Variants in TTC7B observed in about 807,000 individuals in gnomAD.
The protein encoded by TTC7B is tetratricopeptide repeat domain 7B.
Under a neutral mutation model 106.8 loss-of-function variants are expected in TTC7B, and 28 were observed. That is an observed-to-expected ratio of 0.26 (90% confidence interval 0.19 to 0.36). The LOEUF is 0.36. Ranked by LOEUF, TTC7B falls within the 10% of genes least tolerant of loss-of-function variation. The pLI is 1.00. For synonymous variants in TTC7B, 405 were observed against 430.6 expected (o/e 0.94, Z 0.74); for missense variants, 862 against 1,076.4 (o/e 0.80, Z 2.79).
rs893899639 is a variant in TTC7B, at chr14:90,578,399, G to A, written c.2108-91C>T. ...ACTCTGATGTTCGTGTTCCCTGCAC[G>A]GGAGTCTGGCGGGGCGCAGAGCCAG... On this transcript the variant is annotated intron_variant, in intron 18 of 19. Transcript: ENST00000328459. This position sits in a 1 kb window ranked among gnomAD's most constrained non-coding sequence, Gnocchi z 4.7. The A allele has an allele frequency of 7.9e-6, 11 of 1,387,082 alleles. No individual in the cohort carries two copies. Among genetic ancestry groups the A allele is most frequent in the East Asian group, 7.2e-5 (3 of 41,922 alleles). The allele number at this position is 1,387,082 out of a possible 1,614,324, so 85.9% of individuals were successfully genotyped here.
At chr14:90,635,783 T>C (rs1175039613) in intron 15 of TTC7B, among the ~76,000 whole-genome samples, 2 of 138,120 alleles carry the variant, frequency 1.4e-5, no homozygotes, top group Non-Finnish European at 3.1e-5. Context: ...AAAAATTATC[T>C]ATATATAATA....
intron 17 of TTC7B, among the ~76,000 whole-genome samples, chr14:90,607,314 A>G (rs1892682887): frequency 6.6e-6 from 1 of 152,216 alleles, no homozygotes; most frequent in South Asian, 2.1e-4. Flanking sequence ...GTGGAAGTTC[A>G]CTGTGGCTGT....
chr14:90,612,972 C>T (rs1362559281), intron 16 of TTC7B, among the ~76,000 whole-genome samples: 1 of 152,236 alleles, frequency 6.6e-6, no homozygotes. Context: ...GTTCCCTCCA[C>T]CAGCTGGGAA....
chr14:90,605,238 G>A (rs1286460), intron 17 of TTC7B, among the ~76,000 whole-genome samples: 13,868 of 152,156 alleles, frequency 0.091, 768 homozygotes, highest in East Asian at 0.2. Flanking sequence ...AATTGAAAAC[G>A]GGAGTTTTTG....
intron 4 of TTC7B, among the ~76,000 whole-genome samples, chr14:90,738,795 G>A (rs758359833): frequency 1.2e-4 from 18 of 152,268 alleles, no homozygotes; most frequent in Admixed American, 2.6e-4. Context: ...ACAACAATAC[G>A]TTCATCGTAT....
At chr14:90,789,903 A>T (rs1023840898) in intron 1 of TTC7B, among the ~76,000 whole-genome samples, 5 of 141,936 alleles carry the variant, frequency 3.5e-5, no homozygotes, top group African/African-American at 9.7e-5. Flanking sequence ...CTCAAAAAAA[A>T]AAAAAAAAAA....
intron 9 of TTC7B, among the ~76,000 whole-genome samples, chr14:90,671,320 T>C (rs1470513506): frequency 1.3e-5 from 2 of 152,222 alleles, no homozygotes; most frequent in Admixed American, 6.5e-5. Flanking sequence ...TATGGTGTTG[T>C]TGAGATTTAC....
At chr14:90,606,010 G>T (rs1337794811) in intron 17 of TTC7B, among the ~76,000 whole-genome samples, 1 of 152,140 alleles carries the variant, frequency 6.6e-6, no homozygotes, top group Non-Finnish European at 1.5e-5. Context: ...ATTTACCTGG[G>T]CACAGATTCA....
chr14:90,557,158 G>T (rs764220590), intron 19 of TTC7B, among the ~76,000 whole-genome samples: 41 of 152,322 alleles, frequency 2.7e-4, no homozygotes, highest in Non-Finnish European at 4.4e-4. Context: ...TCCTCAGGTG[G>T]GGTGGGGCGG....
chr14:90,695,832 ATT>A, intron 5 of TTC7B, among the ~76,000 whole-genome samples: 1 of 152,202 alleles, frequency 6.6e-6, no homozygotes, highest in African/African-American at 2.4e-5. Context: ...AAGCCAACAA[ATT>A]AAAAAGCAAG....
chr14:90,626,574 T>C (rs1294162706), intron 15 of TTC7B, among the ~76,000 whole-genome samples: 1 of 152,180 alleles, frequency 6.6e-6, no homozygotes, highest in Admixed American at 6.5e-5. Context: ...CCATTGTGGG[T>C]TCCCCAGGGG....
chr14:90,742,882 C>T lies in TTC7B; in HGVS notation c.576+1910G>A, dbSNP rs139500696. ...ACACATGAGCCTCCTTTCTCCCAGC[C>T]GGGAGAAGACGGCTCCAAAGTGACA... On this transcript the variant is annotated intron_variant, in intron 4 of 19. Coordinates refer to ENST00000328459, the MANE Select transcript of TTC7B (RefSeq NM_001010854.2). This position sits in a 1 kb window ranked among gnomAD's most constrained non-coding sequence, Gnocchi z 4.1. Among the ~76,000 whole-genome samples the T allele has an allele frequency of 1.5e-3, 231 of 152,258 alleles. 1 individual carries two copies. The highest frequency in any genetic ancestry group is 5.0e-3 in the African/African-American group (207 of 41,552).
At chr14:90,545,463 A>G (rs193273565) in intron 19 of TTC7B, among the ~76,000 whole-genome samples, 2 of 152,276 alleles carry the variant, frequency 1.3e-5, no homozygotes, top group East Asian at 3.9e-4. Context: ...GGCATCCTGT[A>G]TATCTGCTCA....
At chr14:90,671,934 T>C (rs567683101) in intron 9 of TTC7B, among the ~76,000 whole-genome samples, 1 of 152,300 alleles carries the variant, frequency 6.6e-6, no homozygotes, top group South Asian at 2.1e-4. Context: ...CTGCTCCCAC[T>C]TACCCCTGTG....
intron 1 of TTC7B, among the ~76,000 whole-genome samples, chr14:90,815,293 G>A (rs1179560179): frequency 6.6e-6 from 1 of 152,086 alleles, no homozygotes; most frequent in Non-Finnish European, 1.5e-5. Flanking sequence ...ATAAGGCCAC[G>A]TGGAGCTGTG....
At chr14:90,747,094 G>C (rs1464411069) in intron 3 of TTC7B, among the ~76,000 whole-genome samples, 1 of 152,156 alleles carries the variant, frequency 6.6e-6, no homozygotes, top group Non-Finnish European at 1.5e-5. Flanking sequence ...AGAGGACTAG[G>C]GCCATGCTAT....
chr14:90,812,397 T>C (rs1444586639), intron 1 of TTC7B, among the ~76,000 whole-genome samples: 1 of 152,156 alleles, frequency 6.6e-6, no homozygotes, highest in South Asian at 2.1e-4. Context: ...CAGCTCTGTC[T>C]TTATCCCTGA....
rs574097429 is a variant in TTC7B at position 90,621,292 on chromosome 14, G to A, written c.1752-3247C>T. Among the ~76,000 whole-genome samples, 212 of 148,020 alleles carry A rather than the reference G, an allele frequency of 1.4e-3. 1 individual carries two copies. The highest frequency in any genetic ancestry group is 5.1e-3 in the African/African-American group (202 of 39,786). On this transcript the variant is annotated intron_variant, in intron 15 of 19. Coordinates refer to ENST00000328459, the MANE Select transcript of TTC7B (RefSeq NM_001010854.2). The stretch of plus-strand genomic sequence containing the variant: ...AGAGGCCACGGGGTACAGCCGGGAC[G>A]ATAGGCAGAGGCCACGCGGGTACAG...
intron 14 of TTC7B, 76 bp from the exon 15 acceptor site, chr14:90,644,284 C>T (rs933590166): frequency 9.9e-5 from 106 of 1,072,672 alleles, no homozygotes; most frequent in South Asian, 3.6e-4. Flanking sequence ...CACACACGCG[C>T]GAAAGAAGCC....
Sources: gnomAD v4.1 joint callset for allele counts (sites outside exome capture counted in the v4.1 genomes callset) on GRCh38, gnomAD v4.1.1 for gene constraint, Gnocchi (gnomAD v3.1) non-coding constraint, MANE v1.5 for transcripts, NCBI Gene and HGNC (gene_info 2026-07-23, HGNC 2026-07-21) for gene names.